The following MYRIP variants were observed in gnomAD, a reference collection of about 807,000 sequenced individuals.
MYRIP encodes rab effector MyRIP.
MYRIP carries 49 observed loss-of-function variants against 98.0 expected under a neutral mutation model. The ratio of observed to expected loss-of-function variants is 0.50; its 90% confidence interval spans 0.40 to 0.63. The LOEUF (loss-of-function observed/expected upper bound fraction) is 0.63. MYRIP is among the 30% of genes least tolerant of loss of function. The probability of loss-of-function intolerance (pLI) is 0.00; values close to 1 mark genes in which losing one functional copy is unlikely to be tolerated. For missense variants in MYRIP, 1,004 were observed against 1,058.2 expected (o/e 0.95, Z 0.71); for synonymous variants, 404 against 409.5 (o/e 0.99, Z 0.16).
At chr3:39,908,744 T>G (rs1156951490) in intron 2 of MYRIP, among the ~76,000 whole-genome samples, 2 of 152,248 alleles carry the variant, frequency 1.3e-5, no homozygotes, top group African/African-American at 4.8e-5. Context: ...TCCTTTGTTT[T>G]TACTGTCTTT....
intron 1 of MYRIP, among the ~76,000 whole-genome samples, chr3:39,895,772 C>T (rs928957085): frequency 2.0e-4 from 31 of 152,042 alleles, no homozygotes; most frequent in South Asian, 4.1e-4. Context: ...AAAAGTCAGA[C>T]AGTTTTGAAA....
intron 11 of MYRIP, among the ~76,000 whole-genome samples, chr3:40,227,717 C>T (rs1337320378): frequency 6.6e-6 from 1 of 152,160 alleles, no homozygotes; most frequent in Non-Finnish European, 1.5e-5. Context: ...AGCTAAACCA[C>T]CAGGCACTCA....
chr3:40,093,441 T>C (rs894459498), intron 3 of MYRIP, among the ~76,000 whole-genome samples: 3 of 152,218 alleles, frequency 2.0e-5, no homozygotes, highest in African/African-American at 7.2e-5. Context: ...CAGATGTTCC[T>C]CATAGACAAG....
At position 40,058,832 on chromosome 3, in the gene MYRIP, G is replaced by A. The variant is rs1013124551; in HGVS notation, c.332+14561G>A. ...AAGTTCTGGGATACATGTGCAGAAC[G>A]TGCAGGTTTGTTACATAGGTATATA... On this transcript the variant is annotated intron_variant, in intron 3 of 16. Coordinates refer to ENST00000302541, the MANE Select transcript of MYRIP (RefSeq NM_015460.4). Among the ~76,000 whole-genome samples, 6 of 152,078 alleles carry A rather than the reference G, an allele frequency of 3.9e-5. No individual in the cohort carries two copies. The East Asian group carries it at 5.8e-4, about 15-fold the overall frequency.
intron 2 of MYRIP, among the ~76,000 whole-genome samples, chr3:40,020,327 G>A (rs1429634128): frequency 1.3e-5 from 2 of 152,160 alleles, no homozygotes; most frequent in African/African-American, 4.8e-5. Flanking sequence ...ATGTGTGATA[G>A]AGTCAACAAA....
intron 3 of MYRIP, among the ~76,000 whole-genome samples, chr3:40,087,644 G>T (rs1023920110): frequency 6.6e-6 from 1 of 152,274 alleles, no homozygotes; most frequent in South Asian, 2.1e-4. Flanking sequence ...AGTGTTTGCC[G>T]ATTTCCACTA....
intron 8 of MYRIP, among the ~76,000 whole-genome samples, chr3:40,181,522 C>G (rs1051999380): frequency 2.0e-5 from 3 of 152,166 alleles, no homozygotes; most frequent in African/African-American, 4.8e-5. Context: ...CCCTTTCCTT[C>G]TTAAGATTAC....
rs566773073 is a variant in MYRIP, at chr3:40,155,504, C to A, written c.469+4320C>A. Among the ~76,000 whole-genome samples the A allele has an allele frequency of 1.1e-4, 16 of 152,218 alleles. No individual in the cohort carries two copies. In the South Asian group the frequency reaches 2.5e-3, roughly 24 times the overall value. On this transcript the variant is annotated intron_variant, in intron 4 of 16. Transcript: ENST00000302541. ...TGATTTATAGTCCATTGGGTATATA[C>A]CCAGTAATGGGATGGCTGGGTCAAA...
intron 2 of MYRIP, among the ~76,000 whole-genome samples, chr3:39,937,537 G>T (rs543324776): frequency 3.3e-5 from 5 of 152,314 alleles, no homozygotes; most frequent in African/African-American, 1.2e-4. Context: ...TCATCCATCA[G>T]AGGAACTGGA....
chr3:39,911,111 A>C (rs1944011416), intron 2 of MYRIP, among the ~76,000 whole-genome samples: 1 of 152,214 alleles, frequency 6.6e-6, no homozygotes, highest in Non-Finnish European at 1.5e-5. Flanking sequence ...TGTTTCCCTG[A>C]AGTTAATGGT....
chr3:40,155,601 C>A (rs1286063170), intron 4 of MYRIP, among the ~76,000 whole-genome samples: 4 of 150,782 alleles, frequency 2.7e-5, no homozygotes, highest in Non-Finnish European at 5.9e-5. Context: ...AGTTTACAGT[C>A]CCACCAACAG....
At chr3:40,091,503 A>G (rs1948737089) in intron 3 of MYRIP, among the ~76,000 whole-genome samples, 1 of 152,206 alleles carries the variant, frequency 6.6e-6, no homozygotes, top group Non-Finnish European at 1.5e-5. Context: ...TTTAAAATTA[A>G]AGAATATGGA....
intron 10 of MYRIP, among the ~76,000 whole-genome samples, chr3:40,191,897 A>G (rs1951220629): frequency 6.6e-6 from 1 of 152,166 alleles, no homozygotes; most frequent in Non-Finnish European, 1.5e-5. Flanking sequence ...TTGCAGGTGT[A>G]AAATGTCACG....
At chr3:39,960,196 C>T (rs1337950580) in intron 2 of MYRIP, among the ~76,000 whole-genome samples, 1 of 151,946 alleles carries the variant, frequency 6.6e-6, no homozygotes, top group East Asian at 1.9e-4. Flanking sequence ...CTTAGAAATA[C>T]GTAAGCAGTG....
chr3:39,910,904 G>T (rs1233062638), intron 2 of MYRIP, among the ~76,000 whole-genome samples: 1 of 152,094 alleles, frequency 6.6e-6, no homozygotes. Context: ...GTATCTGTAA[G>T]AGCCAGCTAA....
chr3:39,879,192 A>G (rs1470423274), intron 1 of MYRIP, among the ~76,000 whole-genome samples: 1 of 151,966 alleles, frequency 6.6e-6, no homozygotes, highest in Non-Finnish European at 1.5e-5. Flanking sequence ...TGAAGAACAT[A>G]AAGTCAGTTG....
chr3:40,005,779 T>C (rs1430687236), intron 2 of MYRIP, among the ~76,000 whole-genome samples: 1 of 152,224 alleles, frequency 6.6e-6, no homozygotes, highest in Non-Finnish European at 1.5e-5. Context: ...TATCATGTAA[T>C]ACTTTGCAAA....
intron 1 of MYRIP, among the ~76,000 whole-genome samples, chr3:39,869,636 A>C (rs1187271065): frequency 6.6e-6 from 1 of 152,192 alleles, no homozygotes; most frequent in African/African-American, 2.4e-5. Context: ...ACATCTGGCA[A>C]GTAGTTTAAT....
At chr3:40,057,199 AG>A (rs1235578950) in intron 3 of MYRIP, among the ~76,000 whole-genome samples, 6 of 151,884 alleles carry the variant, frequency 4.0e-5, no homozygotes, top group African/African-American at 1.5e-4. Flanking sequence ...GATTCTGGTA[AG>A]CTCCAGATTC....
Sources: gnomAD v4.1 joint callset for allele counts (sites outside exome capture counted in the v4.1 genomes callset) on GRCh38, gnomAD v4.1.1 for gene constraint, MANE v1.5 for transcripts, NCBI Gene and HGNC (gene_info 2026-07-23, HGNC 2026-07-21) for gene names.